Variants in KCNQ2 observed in about 807,000 individuals in gnomAD.
The protein encoded by KCNQ2 is potassium voltage-gated channel subfamily KQT member 2.
In KCNQ2, 14 loss-of-function variants were observed where a neutral mutation model predicts 84.8. That is an observed-to-expected ratio of 0.17 (90% CI 0.11 to 0.26). KCNQ2 has a LOEUF of 0.26. Among genes scored for constraint, KCNQ2 ranks in the 10% least tolerant of loss-of-function variants. The pLI, the probability that KCNQ2 is intolerant of heterozygous loss-of-function variation, is 1.00. For synonymous variants in KCNQ2, 599 were observed against 554.1 expected, an observed-to-expected ratio of 1.08 and a Z score of -1.14; for missense variants, 788 against 1,254.0, an observed-to-expected ratio of 0.63 and a Z score of 5.61.
Position 63,426,781 on chromosome 20 carries a change from C to T in KCNQ2, c.1217+1586G>A, listed in dbSNP as rs147567609. On this transcript the variant is annotated intron_variant, in intron 10 of 16. Coordinates refer to ENST00000359125, the MANE Select transcript of KCNQ2 (RefSeq NM_172107.4). ...CTGCATCCTCACTTCCTCCTGAGCCCGCACCAGAAGCACCTTCAACATCCG... is the reference window on the plus strand; with the variant it reads ...CTGCATCCTCACTTCCTCCTGAGCCTGCACCAGAAGCACCTTCAACATCCG... Among the ~76,000 whole-genome samples, 523 of 152,256 alleles carry T rather than the reference C, an allele frequency of 3.4e-3. 4 individuals are homozygous for T. Among genetic ancestry groups the T allele is most frequent in the African/African-American group, 9.9e-3 (413 of 41,552 alleles).
intron 7 of KCNQ2, among the ~76,000 whole-genome samples, chr20:63,436,397 G>A (rs921166390): frequency 4.6e-5 from 7 of 152,290 alleles, no homozygotes; most frequent in East Asian, 1.9e-4. Flanking sequence ...CAGGCGTGGT[G>A]GTGGGTGCCT....
chr20:63,443,095 A>C (rs2081274765), intron 4 of KCNQ2, among the ~76,000 whole-genome samples: 1 of 28,928 alleles, frequency 3.5e-5, no homozygotes, highest in East Asian at 4.8e-3. Flanking sequence ...CATTATCACC[A>C]CCATCACCAT....
intron 4 of KCNQ2, among the ~76,000 whole-genome samples, chr20:63,443,008 C>T (rs2081262551): frequency 3.5e-5 from 4 of 114,902 alleles, no homozygotes; most frequent in Admixed American, 9.1e-5. Context: ...TCACCACCAT[C>T]ACCATCACCA....
intron 15 of KCNQ2, among the ~76,000 whole-genome samples, chr20:63,410,855 AG>A (rs2080100099): frequency 6.6e-6 from 1 of 152,086 alleles, no homozygotes; most frequent in Non-Finnish European, 1.5e-5. Flanking sequence ...CTGAGCTGTC[AG>A]GGAAGGCCAG....
chr20:63,430,550 C>G (rs879494100), intron 9 of KCNQ2, among the ~76,000 whole-genome samples: 4 of 152,212 alleles, frequency 2.6e-5, no homozygotes, highest in Non-Finnish European at 5.9e-5. Flanking sequence ...GAGTGGCTGG[C>G]CCCAGGCTCT....
intron 1 of KCNQ2, among the ~76,000 whole-genome samples, chr20:63,461,837 C>T (rs1476432928): frequency 1.4e-5 from 2 of 144,150 alleles, no homozygotes; most frequent in Non-Finnish European, 3.0e-5. Context: ...TGCACCTACC[C>T]CGGGGCAGCA....
chr20:63,426,837 T>G (rs1409668542), intron 10 of KCNQ2, among the ~76,000 whole-genome samples: 1 of 152,106 alleles, frequency 6.6e-6, no homozygotes, highest in Non-Finnish European at 1.5e-5. Context: ...TCAGGACACC[T>G]CAGTTTCTTC....
At position 63,464,501 on chromosome 20, in the gene KCNQ2, C is replaced by T. The variant is rs565286289; in HGVS notation, c.296+7667G>A. Among the ~76,000 whole-genome samples, 7 of 152,214 alleles carry T rather than the reference C, an allele frequency of 4.6e-5. No individual in the cohort carries two copies. The East Asian group carries it at 9.7e-4, about 21-fold the overall frequency. Reference sequence around the variant, plus strand: ...TCATCCTGGGGACCTGCGTGTGATGCCCCCCACGCACAGCAGCCTGCACCC... The same window carrying T: ...TCATCCTGGGGACCTGCGTGTGATGTCCCCCACGCACAGCAGCCTGCACCC... On this transcript the variant is annotated intron_variant, in intron 1 of 16. Coordinates refer to ENST00000359125, the MANE Select transcript of KCNQ2 (RefSeq NM_172107.4).
At chr20:63,457,336 G>A (rs1287610332) in intron 1 of KCNQ2, among the ~76,000 whole-genome samples, 1 of 152,256 alleles carries the variant, frequency 6.6e-6, no homozygotes, top group African/African-American at 2.4e-5. Context: ...CCATGGGGCA[G>A]GGACGGGAGG....
chr20:63,442,704 C>T (rs62208028), intron 4 of KCNQ2, among the ~76,000 whole-genome samples, 173 bp from the exon 5 acceptor site: 2 of 78,162 alleles, frequency 2.6e-5, no homozygotes, highest in Non-Finnish European at 2.7e-5. Context: ...ACCACCATCA[C>T]CATCACCACC....
intron 7 of KCNQ2, 168 bp from the exon 8 acceptor site, chr20:63,434,071 C>T: frequency 1.6e-6 from 1 of 608,086 alleles, no homozygotes; most frequent in African/African-American, 1.8e-5. Flanking sequence ...GCCCCACAGC[C>T]TCAGTTTACC....
intron 1 of KCNQ2, chr20:63,471,566 A>AGGGGGTTC (rs957252631): frequency 6.7e-6 from 1 of 149,930 alleles, no homozygotes; most frequent in Admixed American, 6.6e-5. Flanking sequence ...GCAGGAGCTG[A>AGGGGGTTC]GGGGGTTCGC....
chr20:63,429,646 C>T (rs2080734989), intron 9 of KCNQ2, among the ~76,000 whole-genome samples: 1 of 152,238 alleles, frequency 6.6e-6, no homozygotes, highest in Non-Finnish European at 1.5e-5. Context: ...TGACCAAACA[C>T]TCAATGGCTC....
chr20:63,412,032 C>T (rs904954925), intron 15 of KCNQ2: 9 of 588,360 alleles, frequency 1.5e-5, no homozygotes, highest in African/African-American at 5.8e-5. Flanking sequence ...GACGCCGCCT[C>T]GCTGGACCTT....
intron 1 of KCNQ2, among the ~76,000 whole-genome samples, chr20:63,452,195 G>A (rs888964638): frequency 5.3e-5 from 7 of 131,084 alleles, no homozygotes; most frequent in East Asian, 2.0e-4. Flanking sequence ...ATTTTAAAGC[G>A]TCTCATGTGA....
intron 1 of KCNQ2, chr20:63,459,849 C>A (rs981851676): frequency 6.6e-6 from 1 of 152,194 alleles, no homozygotes; most frequent in Admixed American, 6.5e-5. Context: ...GGGTGTCCAC[C>A]CACCTGTGCC....
intron 9 of KCNQ2, among the ~76,000 whole-genome samples, chr20:63,429,162 C>T (rs548924577): frequency 6.6e-6 from 1 of 152,044 alleles, no homozygotes; most frequent in East Asian, 1.9e-4. Context: ...CCCCTCTTCA[C>T]CCCTCCCCAC....
At chr20:63,426,454 C>A (rs929800697) in intron 10 of KCNQ2, among the ~76,000 whole-genome samples, 1 of 152,110 alleles carries the variant, frequency 6.6e-6, no homozygotes, top group Non-Finnish European at 1.5e-5. Flanking sequence ...GAGCACCTCC[C>A]AAACCTTCAA....
intron 5 of KCNQ2, among the ~76,000 whole-genome samples, chr20:63,441,420 G>A (rs969853076): frequency 6.6e-6 from 1 of 152,110 alleles, no homozygotes; most frequent in Non-Finnish European, 1.5e-5. Context: ...AGGGCACCGC[G>A]GCCACAGAGT....
Sources: gnomAD v4.1 joint callset for allele counts (sites outside exome capture counted in the v4.1 genomes callset) on GRCh38, gnomAD v4.1.1 for gene constraint, MANE v1.5 for transcripts, NCBI Gene and HGNC (gene_info 2026-07-23, HGNC 2026-07-21) for gene names.